The following GP2 variants were observed in gnomAD, a reference collection of about 807,000 sequenced individuals.
The protein encoded by GP2 is pancreatic secretory granule membrane major glycoprotein GP2.
GP2 carries 58 observed loss-of-function variants against 60.8 expected under a neutral mutation model. That is an observed-to-expected ratio of 0.95 (90% CI 0.77 to 1.19). GP2 has a LOEUF of 1.19. GP2 is among the 50% of genes most tolerant of loss of function. The probability of loss-of-function intolerance (pLI) is 0.00; values close to 1 mark genes in which losing one functional copy is unlikely to be tolerated. For synonymous variants in GP2, 280 were observed against 253.4 expected, an observed-to-expected ratio of 1.10 and a Z score of -1.00; for missense variants, 647 against 667.4, an observed-to-expected ratio of 0.97 and a Z score of 0.34.
At position 20,322,947 on chromosome 16, in the gene GP2, C is replaced by T; in HGVS notation, c.568G>A (p.Ala190Thr). ...PSTVEDKCEK[A>T]CRPEEECLAL... ...AGGCACTCCTCCTCGGGGCGGCAGG[C>T]CTTCTCACACTTGTCCTCCACAGTG... The change falls in exon 4 of 11, where the codon GCC becomes ACC. Residue 190 changes from alanine to threonine, a missense_variant. Transcript: ENST00000302555. 1.2e-6 allele frequency: 2 copies of T among 1,612,076 alleles called. No individual in the cohort carries two copies. Among genetic ancestry groups the T allele is most frequent in the South Asian group, 1.1e-5 (1 of 91,024 alleles).
intron 2 of GP2, among the ~76,000 whole-genome samples, chr16:20,325,160 A>G (rs539626154): frequency 6.6e-6 from 1 of 152,304 alleles, no homozygotes; most frequent in African/African-American, 2.4e-5. Context: ...TTTAAATCCA[A>G]TTCTACACCT....
intron 7 of GP2, 125 bp from the exon 8 acceptor site, chr16:20,317,500 T>C (rs1964222964): frequency 1.4e-6 from 1 of 709,134 alleles, no homozygotes. Context: ...TCCTCCAAGA[T>C]GTTATCCATA....
At chr16:20,317,437 G>A in intron 7 of GP2, 62 bp from the exon 8 acceptor site, 1 of 1,284,154 alleles carries the variant, frequency 7.8e-7, no homozygotes, top group Non-Finnish European at 1.1e-6. Context: ...AAATTAAAGA[G>A]TCCCTCGGGT....
chr16:20,312,491 T>A (rs1475239533), intron 10 of GP2, among the ~76,000 whole-genome samples: 1 of 152,156 alleles, frequency 6.6e-6, no homozygotes, highest in African/African-American at 2.4e-5. Flanking sequence ...TGTCTCAACA[T>A]CAGACTGATC....
intron 2 of GP2, among the ~76,000 whole-genome samples, 177 bp from the exon 3 acceptor site, chr16:20,324,433 C>T (rs1273616836): frequency 6.6e-6 from 1 of 152,220 alleles, no homozygotes; most frequent in Non-Finnish European, 1.5e-5. Context: ...CAGTGAGGAC[C>T]TTCTGTGGTA....
intron 7 of GP2, 69 bp from the exon 8 acceptor site, chr16:20,317,444 G>GA (rs1964220056): frequency 8.2e-7 from 1 of 1,214,778 alleles, no homozygotes; most frequent in Admixed American, 1.9e-5. Context: ...AGAGTCCCTC[G>GA]GGTTCCCTCC....
At chr16:20,316,541 C>T (rs1450292643) in intron 8 of GP2, among the ~76,000 whole-genome samples, 1 of 152,190 alleles carries the variant, frequency 6.6e-6, no homozygotes, top group Non-Finnish European at 1.5e-5. Context: ...AAATAATCTA[C>T]TTACAGGGTT....
Position 20,310,416 on chromosome 16 carries a change from CA to C in GP2, c.*806del, listed in dbSNP as rs1963963125. ...CTAGTTCTTCCTGGAGCAGAGTCTC[CA>C]AAAGTGGCCCTTTGACATGTTCCCA... On this transcript the variant is annotated 3_prime_UTR_variant, in exon 11 of 11. Coordinates refer to ENST00000302555, the MANE Select transcript of GP2 (RefSeq NM_001502.4). The C allele has an allele frequency of 6.6e-6, 1 of 152,172 alleles. No homozygotes were observed. The highest frequency in any genetic ancestry group is 6.5e-5 in the Admixed American group (1 of 15,272). 9.4% of individuals were successfully genotyped at this position (152,172 alleles called of 1,614,324 possible).
In GP2 at chr16:20,320,253, G is replaced by A; in HGVS notation, c.858+9C>T. On this transcript the variant is annotated intron_variant, in intron 5 of 10. Coordinates refer to ENST00000302555, the MANE Select transcript of GP2 (RefSeq NM_001502.4). ...ACCTTCTGGCAGCAGTGGTGTGAAA[G>A]CCACTTACCTCCAGAATGTTCCTGC... The A allele has an allele frequency of 6.3e-7, 1 of 1,598,930 alleles. No individual in the cohort carries two copies. The highest frequency in any genetic ancestry group is 1.3e-5 in the African/African-American group (1 of 74,678).
chr16:20,316,625 A>C (rs948225313), intron 8 of GP2, among the ~76,000 whole-genome samples: 3 of 152,234 alleles, frequency 2.0e-5, no homozygotes, highest in African/African-American at 7.2e-5. Flanking sequence ...GCACTAAAAA[A>C]GTCATCTATG....
chr16:20,323,862 C>T lies in GP2; in HGVS notation c.489G>A (p.Val163=). The T allele has an allele frequency of 1.9e-6, 3 of 1,614,006 alleles. No homozygotes were observed. Among genetic ancestry groups the T allele is most frequent in the Non-Finnish European group, 1.7e-6 (2 of 1,179,942 alleles). ...LVKACPGGYH[V]YRLEGTPWCN... Reference sequence around the variant, plus strand: ...ACCAGGGAGTGCCTTCCAACCGGTACACATGGTACCCGCCTGGGCAGGCCT... The same window carrying T: ...ACCAGGGAGTGCCTTCCAACCGGTATACATGGTACCCGCCTGGGCAGGCCT... Residue 163 remains valine, a synonymous_variant, in exon 3 of 11, where the codon GTG becomes GTA. Coordinates refer to ENST00000302555, the MANE Select transcript of GP2 (RefSeq NM_001502.4).
At position 20,318,283 on chromosome 16, in the gene GP2, T is replaced by G; in HGVS notation, c.1155A>C (p.Gln385His). 6.2e-7 allele frequency: 1 copy of G among 1,613,572 alleles called. No homozygotes were observed. The highest frequency in any genetic ancestry group is 1.7e-4 in the Middle Eastern group (1 of 6,060). ...SVLYVGAILE[Q>H]GDTSRFNLVL... is the part of the protein sequence containing the mutation. ...CCAGGTTAAACCGGGAGGTGTCCCC[T>G]TGTTCCAAGATGGCACCCACATACA... is the stretch of plus-strand genomic sequence containing the variant. The change falls in exon 7 of 11, where the codon CAA becomes CAC. Residue 385 changes from glutamine to histidine, a missense_variant. Transcript: ENST00000302555.
In GP2 at chr16:20,318,444, A is replaced by G; in HGVS notation, c.1008-14T>C. ...ACGTTCAGGGAACTGAGAAAAAGAA[A>G]GCCACAAGAGTGGAAACCTCAGAGA... On this transcript the variant is annotated splice_polypyrimidine_tract_variant and intron_variant, in intron 6 of 10. Coordinates refer to ENST00000302555, the MANE Select transcript of GP2 (RefSeq NM_001502.4). The G allele has an allele frequency of 6.2e-7, 1 of 1,610,290 alleles. No individual in the cohort carries two copies. Among genetic ancestry groups the G allele is most frequent in the South Asian group, 1.1e-5 (1 of 90,924 alleles).
chr16:20,324,252 A>T lies in GP2; in HGVS notation c.99T>A (p.Tyr33Ter), dbSNP rs1964463950. The T allele has an allele frequency of 6.3e-7, 1 of 1,591,046 alleles. No homozygotes were observed. The highest frequency in any genetic ancestry group is 8.6e-7 in the Non-Finnish European group (1 of 1,164,684). ...LTQASAVQRG[Y>*]GNPIEASSYG... is the part of the protein sequence containing the mutation. ...ACGAACTGGCTTCAATGGGGTTTCC[A>T]TAACCTGGGAAAGTGACAGAGTGCA... The change falls in exon 3 of 11, where the codon TAT (tyrosine) becomes TAA (stop). Residue 33 changes from tyrosine (Y) to a stop codon, truncating the protein, a stop_gained. Transcript: ENST00000302555. LOFTEE classifies it high-confidence loss of function.
intron 6 of GP2, 149 bp downstream of exon 6, chr16:20,319,471 A>G (rs1271404937): frequency 3.2e-6 from 2 of 628,762 alleles, no homozygotes; most frequent in Admixed American, 5.5e-5. Flanking sequence ...TATACAATCA[A>G]TGAATACTTG....
At chr16:20,311,327 C>A in intron 10 of GP2, 46 bp from the exon 11 acceptor site, 2 of 1,165,280 alleles carry the variant, frequency 1.7e-6, no homozygotes, top group South Asian at 2.4e-5. Flanking sequence ...CTTTGGGAGT[C>A]AGGAGCAAAC....
At chr16:20,326,504 T>C (rs746459016) in intron 1 of GP2, 37 bp from the exon 2 acceptor site, 1 of 1,560,324 alleles carries the variant, frequency 6.4e-7, no homozygotes, top group South Asian at 1.2e-5. Flanking sequence ...GATTAGGGCA[T>C]AGGTCTATGT....
At chr16:20,322,172 T>C (rs1351602251) in intron 4 of GP2, among the ~76,000 whole-genome samples, 3 of 152,184 alleles carry the variant, frequency 2.0e-5, no homozygotes, top group African/African-American at 4.8e-5. Context: ...CTCTCTTCCA[T>C]AGGGACTTGT....
At position 20,309,932 on chromosome 16, in the gene GP2, G is replaced by T. The variant is rs1237312966; in HGVS notation, c.*1291C>A. The T allele has an allele frequency of 6.6e-6, 1 of 152,128 alleles. No individual in the cohort carries two copies. Among genetic ancestry groups the T allele is most frequent in the Non-Finnish European group, 1.5e-5 (1 of 68,074 alleles). The allele number at this position is 152,128 out of a possible 1,614,324, so 9.4% of individuals were successfully genotyped here. A position where few individuals can be genotyped will look rare whatever the true frequency, so the allele number is the denominator to read the frequency against. On this transcript the variant is annotated 3_prime_UTR_variant, in exon 11 of 11. Coordinates refer to ENST00000302555, the MANE Select transcript of GP2 (RefSeq NM_001502.4). ...TCCTCCAAGCAGATACACAGGCTCG[G>T]CACCTGCTGGTCCACCTTGGTTCCT...
Sources: allele counts gnomAD v4.1 joint callset (sites outside exome capture counted in the v4.1 genomes callset), GRCh38; gene constraint gnomAD v4.1.1; transcripts MANE v1.5; gene names NCBI Gene and HGNC (gene_info 2026-07-23, HGNC 2026-07-21).